Variants in AMOTL1 observed in about 807,000 individuals in gnomAD.
The protein encoded by AMOTL1 is angiomotin-like protein 1.
In AMOTL1, 45 loss-of-function variants were observed where a neutral mutation model predicts 102.9. The ratio of observed to expected loss-of-function variants is 0.44; its 90% confidence interval spans 0.34 to 0.56. AMOTL1 has a LOEUF of 0.56. Among genes scored for constraint, AMOTL1 ranks in the 20% least tolerant of loss-of-function variants. The probability of loss-of-function intolerance (pLI) is 0.01; values close to 1 mark genes in which losing one functional copy is unlikely to be tolerated. For missense variants in AMOTL1, 1,114 were observed against 1,225.6 expected, an observed-to-expected ratio of 0.91 and a Z score of 1.36; for synonymous variants, 481 against 484.7, an observed-to-expected ratio of 0.99 and a Z score of 0.10.
upstream of AMOTL1, among the ~76,000 whole-genome samples, chr11:94,766,971 T>C (rs375490367): frequency 1.6e-4 from 25 of 152,272 alleles, 1 homozygote; most frequent in African/African-American, 5.1e-4. Context: ...ATCTCCCTCT[T>C]GGCTTTTGCC....
At chr11:94,765,653 A>G (rs1950846885), upstream of AMOTL1, among the ~76,000 whole-genome samples, 1 of 152,170 alleles carries the variant, frequency 6.6e-6, no homozygotes, top group Non-Finnish European at 1.5e-5. Context: ...TTGAACCCAC[A>G]AGCTGTGCCT....
chr11:94,733,940 AGTG>A (rs1432285449), intron 2 of AMOTL1, among the ~76,000 whole-genome samples: 6 of 152,332 alleles, frequency 3.9e-5, no homozygotes, highest in African/African-American at 1.2e-4. Flanking sequence ...TATGATATTG[AGTG>A]AAGATTCTTT....
At chr11:94,830,293 G>A in intron 5 of AMOTL1, 99 bp downstream of exon 5, 1 of 1,108,500 alleles carries the variant, frequency 9.0e-7, no homozygotes, top group African/African-American at 1.6e-5. Context: ...ACAGGTACTG[G>A]TCTACCTGTG....
rs757885859 is a variant in AMOTL1 at position 94,870,757 on chromosome 11, G to A, written c.2833G>A (p.Glu945Lys). The A allele has an allele frequency of 3.7e-6, 6 of 1,602,444 alleles. No homozygotes were observed. The highest frequency in any genetic ancestry group is 5.1e-6 in the Non-Finnish European group (6 of 1,173,566). The change falls in exon 13 of 13, where the codon GAG becomes AAG. Residue 945 changes from glutamate (E) to lysine (K), a missense_variant. Coordinates refer to ENST00000433060, the MANE Select transcript of AMOTL1 (RefSeq NM_130847.3). Reference protein sequence around the residue: ...GRVSSLLHKPEFPDGEMMEVL... With the variant: ...GRVSSLLHKPKFPDGEMMEVL... ...GGTCAGCAGCTTGCTGCACAAGCCC[G>A]AGTTCCCTGATGGAGAGATGATGGA...
chr11:94,840,178 A>G (rs1952267548), intron 6 of AMOTL1, among the ~76,000 whole-genome samples: 1 of 152,254 alleles, frequency 6.6e-6, no homozygotes, highest in South Asian at 2.1e-4. Flanking sequence ...AAATTAAAAA[A>G]TAAGCAGAAT....
In AMOTL1 at chr11:94,795,145, A is replaced by C. The variant is rs755881512; in HGVS notation, c.184A>C (p.Ile62Leu). 1 of 1,613,822 alleles carries C rather than the reference A, an allele frequency of 6.2e-7. No homozygotes were observed. ...SALTVEATSS[I>L]REKVVEDPLC... ...TTTGACGGTGGAGGCAACCAGTAGC[A>C]TCAGGGAAAAAGTTGGTAAGTCCTT... Residue 62 changes from isoleucine (I) to leucine (L), a missense_variant, in exon 2 of 13, where the codon ATC becomes CTC. By Grantham distance (5) the Ile-to-Leu change is conservative. Coordinates refer to ENST00000433060, the MANE Select transcript of AMOTL1 (RefSeq NM_130847.3).
intron 2 of AMOTL1, 39 bp downstream of exon 2, chr11:94,795,199 A>G (rs1395519238): frequency 7.5e-6 from 12 of 1,608,658 alleles, no homozygotes; most frequent in Non-Finnish European, 9.3e-6. Flanking sequence ...GAAAAGCAAA[A>G]TGATCTTACG....
chr11:94,838,034 G>T (rs1952219199), intron 6 of AMOTL1, among the ~76,000 whole-genome samples: 1 of 152,174 alleles, frequency 6.6e-6, no homozygotes. Context: ...TAAATTAAAT[G>T]GCAGTTGCTT....
intron 3 of AMOTL1, among the ~76,000 whole-genome samples, chr11:94,801,145 T>A (rs73516118): frequency 0.016 from 2,462 of 152,274 alleles, 72 homozygotes; most frequent in African/African-American, 0.057. Context: ...CTGGAGGGGC[T>A]GGAGAGAGCT....
In AMOTL1 at chr11:94,726,306, G is replaced by A. The variant is rs192953972; in HGVS notation, c.-50-2615G>A. The stretch of plus-strand genomic sequence containing the variant: ...CGGTGTACACAAATCTCCTTTGAGA[G>A]CTTTATGAGATCTAATACCTAGGTA... On this transcript the variant is annotated intron_variant, in intron 1 of 4. Coordinates refer to the AMOTL1 transcript ENST00000299004. Among the ~76,000 whole-genome samples the A allele has an allele frequency of 3.3e-5, 5 of 152,168 alleles. No individual in the cohort carries two copies. The South Asian group carries it at 1.0e-3, about 31-fold the overall frequency.
Position 94,870,859 on chromosome 11 carries a change from G to GA in AMOTL1, c.*67dup, listed in dbSNP as rs1188889835. The GA allele has an allele frequency of 7.4e-7, 1 of 1,357,458 alleles. No homozygotes were observed. The highest frequency in any genetic ancestry group is 1.5e-5 in the African/African-American group (1 of 68,694). 84.1% of individuals were successfully genotyped at this position (1,357,458 alleles called of 1,614,324 possible). A position where few individuals can be genotyped will look rare whatever the true frequency, so the allele number is the denominator to read the frequency against. On this transcript the variant is annotated 3_prime_UTR_variant, in exon 13 of 13. Transcript: ENST00000433060. Reference sequence around the variant, plus strand: ...AACAAGGAAAGCGGCAGAGAAAGAAGAAAGACCTAGAAGGTTGTAGATGGG... The same window carrying GA: ...AACAAGGAAAGCGGCAGAGAAAGAAGAAAAGACCTAGAAGGTTGTAGATGGG...
chr11:94,869,043 A>T (rs1408744083), intron 11 of AMOTL1, among the ~76,000 whole-genome samples, 155 bp from the exon 12 acceptor site: 2 of 151,776 alleles, frequency 1.3e-5, no homozygotes, highest in Non-Finnish European at 2.9e-5. Context: ...TTGTTATTTT[A>T]TCAGCCTTGT....
chr11:94,816,609 T>G (rs893998997), intron 3 of AMOTL1, among the ~76,000 whole-genome samples: 1 of 152,154 alleles, frequency 6.6e-6, no homozygotes, highest in Non-Finnish European at 1.5e-5. Flanking sequence ...AAACTGAGAT[T>G]AAATTTTTTT....
chr11:94,754,771 A>G (rs1420225540), intron 3 of AMOTL1, among the ~76,000 whole-genome samples: 2 of 152,228 alleles, frequency 1.3e-5, no homozygotes, highest in African/African-American at 4.8e-5. Flanking sequence ...GAAATAAAAC[A>G]CAGGAGACCC....
intron 3 of AMOTL1, among the ~76,000 whole-genome samples, chr11:94,755,552 T>G (rs1288199732): frequency 6.6e-6 from 1 of 152,200 alleles, no homozygotes; most frequent in Non-Finnish European, 1.5e-5. Flanking sequence ...CCTGACTTAC[T>G]GTTTCTTACA....
chr11:94,755,384 A>G (rs985757602), intron 3 of AMOTL1, among the ~76,000 whole-genome samples: 2 of 152,164 alleles, frequency 1.3e-5, no homozygotes, highest in African/African-American at 4.8e-5. Flanking sequence ...GGAATACCCA[A>G]TGCCGTCCTC....
At chr11:94,818,266 A>T (rs980221538) in intron 3 of AMOTL1, among the ~76,000 whole-genome samples, 3 of 152,206 alleles carry the variant, frequency 2.0e-5, no homozygotes, top group Non-Finnish European at 4.4e-5. Flanking sequence ...CCATGTCTAC[A>T]CAGTCCCTGT....
intron 3 of AMOTL1, among the ~76,000 whole-genome samples, chr11:94,812,677 G>A (rs141202815): frequency 0.017 from 2,625 of 152,154 alleles, no homozygotes; most frequent in Middle Eastern, 0.034. Flanking sequence ...AATAGGAGGC[G>A]GGTTTGCCTG....
At chr11:94,723,994 A>G (rs562038193) in intron 1 of AMOTL1, among the ~76,000 whole-genome samples, 2 of 152,268 alleles carry the variant, frequency 1.3e-5, no homozygotes, top group East Asian at 3.9e-4. Context: ...CCTCTGTTCT[A>G]CTGTGGTCCA....
Sources: gnomAD v4.1 joint callset for allele counts (sites outside exome capture counted in the v4.1 genomes callset) on GRCh38, gnomAD v4.1.1 for gene constraint, MANE v1.5 for transcripts, NCBI Gene and HGNC (gene_info 2026-07-23, HGNC 2026-07-21) for gene names.